Variants in ACOT7 observed in about 807,000 individuals in gnomAD.
ACOT7 encodes cytosolic acyl coenzyme A thioester hydrolase.
A neutral mutation model predicts 40.2 loss-of-function variants in ACOT7; 12 were observed. That is an observed-to-expected ratio of 0.30 (90% CI 0.19 to 0.48). The LOEUF (loss-of-function observed/expected upper bound fraction) is 0.48. ACOT7 is among the 20% of genes least tolerant of loss of function. The probability of loss-of-function intolerance (pLI) is 0.99; values close to 1 mark genes in which losing one functional copy is unlikely to be tolerated. For missense variants in ACOT7, 395 were observed against 530.8 expected (o/e 0.74, Z 2.51); for synonymous variants, 228 against 219.5 (o/e 1.04, Z -0.34).
chr1:6,266,222 C>T (rs1486739939), intron 8 of ACOT7, among the ~76,000 whole-genome samples: 1 of 152,236 alleles, frequency 6.6e-6, no homozygotes, highest in Admixed American at 6.5e-5. Context: ...TGACCTGAAA[C>T]AGTCCAGGGA....
chr1:6,313,156 C>T (rs1386260985), intron 6 of ACOT7, among the ~76,000 whole-genome samples: 6 of 152,138 alleles, frequency 3.9e-5, no homozygotes, highest in African/African-American at 1.4e-4. Flanking sequence ...GTCTGGGGGA[C>T]AGGGGTGGAG....
chr1:6,390,360 TCAGGA>T (rs1251034897), intron 1 of ACOT7, among the ~76,000 whole-genome samples: 3 of 151,612 alleles, frequency 2.0e-5, no homozygotes, highest in African/African-American at 7.3e-5. Flanking sequence ...TCATCTAAGG[TCAGGA>T]GTTCGAGACT....
At chr1:6,300,104 A>G (rs1029956877) in intron 6 of ACOT7, among the ~76,000 whole-genome samples, 1 of 152,188 alleles carries the variant, frequency 6.6e-6, no homozygotes, top group South Asian at 2.1e-4. Flanking sequence ...GTATGTGAGA[A>G]GTTTATCACC....
At chr1:6,344,480 G>A (rs1366409929) in intron 2 of ACOT7, among the ~76,000 whole-genome samples, 1 of 152,098 alleles carries the variant, frequency 6.6e-6, no homozygotes, top group African/African-American at 2.4e-5. Flanking sequence ...AAAGAAAAAA[G>A]TAGGGCCGGG....
At chr1:6,265,220 G>A (rs1638787646) in intron 8 of ACOT7, among the ~76,000 whole-genome samples, 1 of 137,164 alleles carries the variant, frequency 7.3e-6, no homozygotes, top group Non-Finnish European at 1.5e-5. Context: ...GCAGAGAAGT[G>A]GGGAAAGCCA....
At chr1:6,373,373 C>A (rs1372106371) in intron 1 of ACOT7, among the ~76,000 whole-genome samples, 2 of 152,124 alleles carry the variant, frequency 1.3e-5, no homozygotes, top group Non-Finnish European at 2.9e-5. Flanking sequence ...GCCTCAGCTT[C>A]CCATGTAGCT....
chr1:6,306,910 C>T lies in ACOT7; in HGVS notation c.712+11582G>A, dbSNP rs1461924123. The T allele has an allele frequency of 7.8e-7, 1 of 1,289,036 alleles. No individual in the cohort carries two copies. The highest frequency in any genetic ancestry group is 1.0e-6 in the Non-Finnish European group (1 of 988,702). The allele number at this position is 1,289,036 out of a possible 1,614,324, so 79.8% of individuals were successfully genotyped here. A position where few individuals can be genotyped will look rare whatever the true frequency, so the allele number is the denominator to read the frequency against. ...GCAGGTGCAAAAGATTGTTTTTTCA[C>T]AACTGCCCCAAGAAGACCAAGTGAA... On this transcript the variant is annotated intron_variant, in intron 6 of 8. Transcript: ENST00000361521. The surrounding 1 kb of genome is among the most constrained non-coding windows in gnomAD (Gnocchi z 4.3).
chr1:6,271,237 G>T (rs1302992116), intron 8 of ACOT7, among the ~76,000 whole-genome samples: 3 of 152,206 alleles, frequency 2.0e-5, no homozygotes, highest in South Asian at 2.1e-4. Context: ...TATGGAGGAC[G>T]AGTGACTAAG....
chr1:6,323,651 G>T (rs1640708274), intron 5 of ACOT7, among the ~76,000 whole-genome samples: 1 of 148,034 alleles, frequency 6.8e-6, no homozygotes, highest in Non-Finnish European at 1.5e-5. Flanking sequence ...CCAGGAGGTG[G>T]AGGTTGCAGT....
Position 6,393,292 on chromosome 1 carries a change from TG to T in ACOT7, c.107del (p.Pro36GlnfsTer32). 7.8e-7 allele frequency: 1 copy of T among 1,284,236 alleles called. No individual in the cohort carries two copies. The highest frequency in any genetic ancestry group is 2.9e-5 in the East Asian group (1 of 34,892). The allele number at this position is 1,284,236 out of a possible 1,614,324, so 79.6% of individuals were successfully genotyped here. A position where few individuals can be genotyped will look rare whatever the true frequency, so the allele number is the denominator to read the frequency against. On this transcript the variant is annotated frameshift_variant, in exon 1 of 9. Coordinates refer to ENST00000361521, the MANE Select transcript of ACOT7 (RefSeq NM_007274.4). LOFTEE classifies it high-confidence loss of function. The stretch of plus-strand genomic sequence containing the variant: ...GGATGGCGGACGGCGTCTCGACGTC[TG>T]GGCCCGACATGCTGGGGGCTGCGGC... ...SAAAAPSMSG[P>X]DVETPSAIQI...
At position 6,278,492 on chromosome 1, in the gene ACOT7, A is replaced by C. The variant is rs1325385425; in HGVS notation, c.1014+2610T>G. On this transcript the variant is annotated intron_variant, in intron 8 of 8. Coordinates refer to ENST00000361521, the MANE Select transcript of ACOT7 (RefSeq NM_007274.4). This position sits in a 1 kb window ranked among gnomAD's most constrained non-coding sequence, Gnocchi z 4.1. ...GGGCGTGGGCATGGGGGGAGTAGGG[A>C]GGAGCCAGCTGGGTTCCCAGACTTC... is the stretch of plus-strand genomic sequence containing the variant. 6.6e-6 allele frequency among the ~76,000 whole-genome samples: 1 copy of C among 152,076 alleles called. No individual in the cohort carries two copies. The highest frequency in any genetic ancestry group is 1.5e-5 in the Non-Finnish European group (1 of 68,002).
intron 1 of ACOT7, among the ~76,000 whole-genome samples, chr1:6,386,791 T>G (rs912227871): frequency 6.6e-6 from 1 of 152,116 alleles, no homozygotes; most frequent in Non-Finnish European, 1.5e-5. Flanking sequence ...CCCAGAAGGT[T>G]GGGGCTGCAG....
At chr1:6,356,317 C>T (rs1641742659) in intron 1 of ACOT7, among the ~76,000 whole-genome samples, 1 of 152,062 alleles carries the variant, frequency 6.6e-6, no homozygotes, top group Non-Finnish European at 1.5e-5. Context: ...TGGCCATGCC[C>T]GGAGGTCTCT....
At chr1:6,315,517 C>T (rs112406573) in intron 6 of ACOT7, among the ~76,000 whole-genome samples, 10,610 of 151,876 alleles carry the variant, frequency 0.07, 856 homozygotes, top group African/African-American at 0.2. Flanking sequence ...TTTGGGAGGC[C>T]GAGGCGGGCA....
intron 8 of ACOT7, among the ~76,000 whole-genome samples, chr1:6,277,565 G>A (rs1226515572): frequency 6.6e-6 from 1 of 152,268 alleles, no homozygotes; most frequent in Non-Finnish European, 1.5e-5. Context: ...GGCCTCGGGT[G>A]TGTCACTGTC....
At chr1:6,383,051 G>T (rs771275489) in intron 1 of ACOT7, among the ~76,000 whole-genome samples, 1 of 147,716 alleles carries the variant, frequency 6.8e-6, no homozygotes, top group Non-Finnish European at 1.5e-5. Flanking sequence ...GCTATTTTTC[G>T]TATTTGTAGT....
Position 6,389,988 on chromosome 1 carries a change from T to C in ACOT7, c.143+3269A>G, listed in dbSNP as rs527937693. 5.9e-5 allele frequency among the ~76,000 whole-genome samples: 9 copies of C among 152,290 alleles called. No individual in the cohort carries two copies. The East Asian group carries it at 1.7e-3, about 29-fold the overall frequency. On this transcript the variant is annotated intron_variant, in intron 1 of 8. Transcript: ENST00000361521. ...GTCCAGTAAAGCATTGTTAAATTCA[T>C]GGGCTTGGCTGTGCTAGGCCAGGAG...
chr1:6,371,082 T>A (rs1642124953), intron 1 of ACOT7, among the ~76,000 whole-genome samples: 1 of 152,142 alleles, frequency 6.6e-6, no homozygotes, highest in African/African-American at 2.4e-5. Flanking sequence ...GTGCTGGGAT[T>A]ACAGGCGTGA....
At chr1:6,304,958 C>T (rs1640087854) in intron 6 of ACOT7, among the ~76,000 whole-genome samples, 1 of 148,964 alleles carries the variant, frequency 6.7e-6, no homozygotes, top group African/African-American at 2.5e-5. Context: ...TCCTCACTTC[C>T]CAGTAGGGGC....
Sources: gnomAD v4.1 joint callset for allele counts (sites outside exome capture counted in the v4.1 genomes callset) on GRCh38, gnomAD v4.1.1 for gene constraint, Gnocchi (gnomAD v3.1) non-coding constraint, MANE v1.5 for transcripts, NCBI Gene and HGNC (gene_info 2026-07-23, HGNC 2026-07-21) for gene names.